SAMMSON: variants seen among roughly 807,000 people sequenced by gnomAD.
SAMMSON encodes long intergenic non-protein coding RNA 1212.
At chr3:70,331,956 CTACTG>C (rs1405213647) in intron 7 of SAMMSON, among the ~76,000 whole-genome samples, 2 of 152,192 alleles carry the variant, frequency 1.3e-5, no homozygotes, top group African/African-American at 2.4e-5. Context: ...TACTATGTCA[CTACTG>C]TATGTGCAGA....
intron 4 of SAMMSON, among the ~76,000 whole-genome samples, chr3:70,073,149 G>T (rs2067236239): frequency 6.6e-6 from 1 of 151,906 alleles, no homozygotes; most frequent in Admixed American, 6.6e-5. Flanking sequence ...GGACTCCAGT[G>T]GCCTTACTTA....
intron 3 of SAMMSON, among the ~76,000 whole-genome samples, chr3:70,021,997 C>T (rs1163407111): frequency 6.6e-6 from 1 of 151,984 alleles, no homozygotes; most frequent in East Asian, 1.9e-4. Context: ...TGTTTAGGCA[C>T]CAGAATGGAG....
At chr3:70,283,332 C>T (rs1441871249) in intron 6 of SAMMSON, among the ~76,000 whole-genome samples, 1 of 151,930 alleles carries the variant, frequency 6.6e-6, no homozygotes, top group Non-Finnish European at 1.5e-5. Flanking sequence ...AGTAAATGCT[C>T]AATAGTGGCT....
At chr3:70,139,746 G>A (rs987363445) in intron 4 of SAMMSON, among the ~76,000 whole-genome samples, 14 of 152,252 alleles carry the variant, frequency 9.2e-5, no homozygotes, top group African/African-American at 2.6e-4. Context: ...GTGATTTTAA[G>A]TATAGCCTTG....
At chr3:70,177,970 T>C (rs1212378179) in intron 4 of SAMMSON, among the ~76,000 whole-genome samples, 2 of 152,198 alleles carry the variant, frequency 1.3e-5, no homozygotes, top group African/African-American at 2.4e-5. Flanking sequence ...TCTCTATATG[T>C]ACTTGCTGGG....
chr3:70,273,844 C>G (rs2106674264), intron 6 of SAMMSON, among the ~76,000 whole-genome samples: 1 of 152,136 alleles, frequency 6.6e-6, no homozygotes, highest in Non-Finnish European at 1.5e-5. Context: ...ACTTTATTGC[C>G]TAGGCTGGAG....
At chr3:70,271,358 C>T (rs1451178856) in intron 6 of SAMMSON, among the ~76,000 whole-genome samples, 2 of 152,146 alleles carry the variant, frequency 1.3e-5, no homozygotes, top group African/African-American at 4.8e-5. Flanking sequence ...TACTCACCTC[C>T]ATTGGTGAGC....
intron 4 of SAMMSON, among the ~76,000 whole-genome samples, chr3:70,155,046 T>C (rs1379818139): frequency 1.3e-5 from 2 of 151,900 alleles, no homozygotes; most frequent in Non-Finnish European, 2.9e-5. Context: ...ATTTGTATGT[T>C]TAGTGGTCAG....
chr3:70,149,848 T>C (rs2067564030), intron 4 of SAMMSON, among the ~76,000 whole-genome samples: 1 of 152,098 alleles, frequency 6.6e-6, no homozygotes. Flanking sequence ...TCTTGGTTTG[T>C]GGCCCCAAGT....
At chr3:70,363,436 T>A (rs890972685) in intron 9 of SAMMSON, among the ~76,000 whole-genome samples, 2 of 151,806 alleles carry the variant, frequency 1.3e-5, no homozygotes, top group African/African-American at 4.8e-5. Context: ...ACCTAAAGAC[T>A]CACACACACA....
chr3:70,141,762 A>G (rs1054558374), intron 4 of SAMMSON, among the ~76,000 whole-genome samples: 1 of 152,148 alleles, frequency 6.6e-6, no homozygotes, highest in African/African-American at 2.4e-5. Context: ...ACAGCTGAAG[A>G]CACTGAAACT....
chr3:70,311,832 T>A (rs1702456349), intron 7 of SAMMSON: 1 of 396,328 alleles, frequency 2.5e-6, no homozygotes, highest in African/African-American at 2.1e-5. Context: ...TCCTTGCTTA[T>A]AAACAAAAGC....
chr3:70,405,754 G>A lies in SAMMSON; in HGVS notation n.233+47430G>A, dbSNP rs75188165. Among the ~76,000 whole-genome samples, 193 of 152,316 alleles carry A rather than the reference G, an allele frequency of 1.3e-3. 2 individuals are homozygous for A. Among genetic ancestry groups the A allele is most frequent in the African/African-American group, 4.4e-3 (182 of 41,566 alleles). ...TGTAGCTGGACTCCGGAAGGAGAGG[G>A]TAGAGTAGAAGACAGAAAAAGTATT... is the stretch of plus-strand genomic sequence containing the variant. On this transcript the variant is annotated intron_variant and non_coding_transcript_variant, in intron 2 of 3. Coordinates refer to the SAMMSON transcript ENST00000641053.
rs1044120494 is a variant in SAMMSON, at chr3:70,149,964, C to T, written n.507+78399C>T. Among the ~76,000 whole-genome samples, 5 of 152,068 alleles carry T rather than the reference C, an allele frequency of 3.3e-5. No homozygotes were observed. The East Asian group carries it at 5.8e-4, about 18-fold the overall frequency. ...TTAAGAAGGCATACTCTCTAAATTACGTGTCCAGCTCTTTCTTTCAAAACT... is the reference window on the plus strand; with the variant it reads ...TTAAGAAGGCATACTCTCTAAATTATGTGTCCAGCTCTTTCTTTCAAAACT... On this transcript the variant is annotated intron_variant and non_coding_transcript_variant, in intron 4 of 9. Transcript: ENST00000642114.
intron 4 of SAMMSON, among the ~76,000 whole-genome samples, chr3:70,208,246 C>T (rs763483174): frequency 7.2e-5 from 11 of 152,036 alleles, no homozygotes; most frequent in Non-Finnish European, 1.3e-4. Flanking sequence ...CCATTGTTAA[C>T]GCAATGCCTG....
At chr3:70,052,695 A>G (rs1173889119) in intron 3 of SAMMSON, among the ~76,000 whole-genome samples, 1 of 152,106 alleles carries the variant, frequency 6.6e-6, no homozygotes, top group Non-Finnish European at 1.5e-5. Flanking sequence ...GTTGGGCTGA[A>G]TAATTCTTCA....
intron 4 of SAMMSON, among the ~76,000 whole-genome samples, chr3:70,104,416 G>A (rs918845710): frequency 2.0e-5 from 3 of 151,946 alleles, no homozygotes; most frequent in Non-Finnish European, 2.9e-5. Context: ...GATTCTCAGG[G>A]CGCCTGACAA....
At chr3:70,112,965 A>C (rs2067395708) in intron 4 of SAMMSON, among the ~76,000 whole-genome samples, 1 of 152,178 alleles carries the variant, frequency 6.6e-6, no homozygotes, top group South Asian at 2.1e-4. Context: ...GCTTTCTATG[A>C]ACAAGATATA....
chr3:70,110,006 G>A (rs979712673), intron 4 of SAMMSON, among the ~76,000 whole-genome samples: 3 of 152,158 alleles, frequency 2.0e-5, no homozygotes, highest in African/African-American at 7.2e-5. Flanking sequence ...CAAAAGAGGT[G>A]GGCCAGTGAA....
Sources: gnomAD v4.1 joint callset for allele counts (sites outside exome capture counted in the v4.1 genomes callset) on GRCh38, gnomAD v4.1.1 for gene constraint, MANE v1.5 for transcripts, NCBI Gene and HGNC (gene_info 2026-07-23, HGNC 2026-07-21) for gene names.